Variants in NKAIN2 observed in about 807,000 individuals in gnomAD.
The protein encoded by NKAIN2 is sodium/potassium transporting ATPase interacting 2, also known as sodium/potassium-transporting ATPase subunit beta-1-interacting protein 2.
Under a neutral mutation model 32.6 loss-of-function variants are expected in NKAIN2, and 14 were observed. The ratio of observed to expected loss-of-function variants is 0.43; its 90% CI spans 0.28 to 0.67. NKAIN2 has a LOEUF of 0.67. Ranked by LOEUF, NKAIN2 falls within the 30% of genes least tolerant of loss-of-function variation. NKAIN2 has a pLI of 0.17. For synonymous variants in NKAIN2, 80 were observed against 87.2 expected, an observed-to-expected ratio of 0.92 and a Z score of 0.46; for missense variants, 198 against 258.3, an observed-to-expected ratio of 0.77 and a Z score of 1.60.
intron 1 of NKAIN2, among the ~76,000 whole-genome samples, chr6:124,225,752 A>G (rs936310113): frequency 1.3e-5 from 2 of 152,064 alleles, no homozygotes; most frequent in Non-Finnish European, 2.9e-5. Flanking sequence ...ACAAGTTTGT[A>G]GAGTTTCCTT....
At chr6:124,779,038 C>T (rs529345078) in intron 4 of NKAIN2, among the ~76,000 whole-genome samples, 1 of 152,044 alleles carries the variant, frequency 6.6e-6, no homozygotes, top group South Asian at 2.1e-4. Flanking sequence ...GAGCGCAAGA[C>T]CAGCCTGGCC....
At chr6:124,659,934 T>C (rs1368231232) in intron 4 of NKAIN2, among the ~76,000 whole-genome samples, 1 of 152,084 alleles carries the variant, frequency 6.6e-6, no homozygotes, top group African/African-American at 2.4e-5. Flanking sequence ...TGTTCAACCA[T>C]AGACACTCCT....
intron 1 of NKAIN2, among the ~76,000 whole-genome samples, chr6:123,904,991 T>G (rs1774793147): frequency 6.6e-6 from 1 of 152,206 alleles, no homozygotes; most frequent in African/African-American, 2.4e-5. Context: ...GGTGAATAAT[T>G]ACACACTGAA....
rs748598964 is a variant in NKAIN2 at position 124,686,618 on chromosome 6, T to A, written c.474+28232T>A. ...CCTCCAACATTGGGTATTACAATTT[T>A]ACATGATATTTGGGTAGGGATACAG... is the stretch of plus-strand genomic sequence containing the variant. On this transcript the variant is annotated intron_variant, in intron 4 of 6. Coordinates refer to ENST00000368417, the MANE Select transcript of NKAIN2 (RefSeq NM_001040214.3). 3.2e-4 allele frequency among the ~76,000 whole-genome samples: 49 copies of A among 152,144 alleles called. 1 individual carries two copies. Among genetic ancestry groups the A allele is most frequent in the Non-Finnish European group, 1.2e-4 (8 of 68,018 alleles).
intron 2 of NKAIN2, among the ~76,000 whole-genome samples, chr6:124,294,431 T>A (rs1795961388): frequency 6.6e-6 from 1 of 152,126 alleles, no homozygotes; most frequent in Non-Finnish European, 1.5e-5. Context: ...AACAATTATT[T>A]TTAAAGGTTT....
At chr6:124,384,056 T>C (rs535730631) in intron 3 of NKAIN2, among the ~76,000 whole-genome samples, 1 of 152,310 alleles carries the variant, frequency 6.6e-6, no homozygotes, top group African/African-American at 2.4e-5. Flanking sequence ...ACATTAATTA[T>C]CAGTATTAGC....
At chr6:124,463,187 T>C (rs1776602699) in intron 3 of NKAIN2, among the ~76,000 whole-genome samples, 2 of 152,022 alleles carry the variant, frequency 1.3e-5, no homozygotes, top group Non-Finnish European at 1.5e-5. Flanking sequence ...TTCCATTTAT[T>C]TACCCAACAA....
At chr6:124,327,664 A>T (rs753403138) in intron 2 of NKAIN2, among the ~76,000 whole-genome samples, 1 of 152,166 alleles carries the variant, frequency 6.6e-6, no homozygotes, top group Non-Finnish European at 1.5e-5. Context: ...AGCAGCATTT[A>T]GTACACATTG....
chr6:123,907,533 T>TTTAA (rs1219867424), intron 1 of NKAIN2, among the ~76,000 whole-genome samples: 3 of 152,122 alleles, frequency 2.0e-5, no homozygotes, highest in Admixed American at 1.3e-4. Context: ...GAACCCCAGT[T>TTTAA]TTCCATGTGT....
chr6:124,685,727 A>T (rs536794261), intron 4 of NKAIN2, among the ~76,000 whole-genome samples: 1 of 152,324 alleles, frequency 6.6e-6, no homozygotes, highest in East Asian at 1.9e-4. Flanking sequence ...AAACAAATCA[A>T]GACTCAGAAT....
intron 3 of NKAIN2, among the ~76,000 whole-genome samples, chr6:124,657,107 C>T (rs72975742): frequency 6.6e-6 from 1 of 152,312 alleles, no homozygotes; most frequent in Non-Finnish European, 1.5e-5. Context: ...TCAACTCAAC[C>T]TTTCCATATG....
At chr6:124,162,929 T>C (rs1788349134) in intron 1 of NKAIN2, among the ~76,000 whole-genome samples, 1 of 152,130 alleles carries the variant, frequency 6.6e-6, no homozygotes, top group South Asian at 2.1e-4. Flanking sequence ...CTTAATTTAG[T>C]GTAAATAAAT....
intron 1 of NKAIN2, among the ~76,000 whole-genome samples, chr6:124,152,417 T>A (rs1293116949): frequency 1.3e-5 from 2 of 151,854 alleles, no homozygotes; most frequent in Non-Finnish European, 2.9e-5. Flanking sequence ...TCTTTAAAGA[T>A]TGCCATGGGG....
Position 124,026,443 on chromosome 6 carries a change from C to T in NKAIN2, c.54+222189C>T, listed in dbSNP as rs376110695. ...ATGAATATTACCTTGTTCTTCAATG[C>T]TCCTTTCCTTTTATCATCAGTAAGC... On this transcript the variant is annotated intron_variant, in intron 1 of 6. Coordinates refer to ENST00000368417, the MANE Select transcript of NKAIN2 (RefSeq NM_001040214.3). Among the ~76,000 whole-genome samples, 51 of 152,238 alleles carry T rather than the reference C, an allele frequency of 3.4e-4. No individual in the cohort carries two copies. The East Asian group carries it at 6.0e-3, about 18-fold the overall frequency.
At chr6:124,439,371 A>G (rs1401255325) in intron 3 of NKAIN2, among the ~76,000 whole-genome samples, 1 of 144,256 alleles carries the variant, frequency 6.9e-6, no homozygotes, top group South Asian at 2.2e-4. Context: ...TTTTTTTTTT[A>G]TCTCCATGAA....
intron 4 of NKAIN2, among the ~76,000 whole-genome samples, chr6:124,716,670 G>A (rs780694284): frequency 6.6e-6 from 1 of 152,038 alleles, no homozygotes; most frequent in Non-Finnish European, 1.5e-5. Flanking sequence ...TCCAGTCTTA[G>A]GGCTTAGCAC....
intron 1 of NKAIN2, among the ~76,000 whole-genome samples, chr6:124,025,177 G>T (rs1004287417): frequency 2.0e-5 from 3 of 152,106 alleles, no homozygotes; most frequent in African/African-American, 7.2e-5. Context: ...ATTTGATAAG[G>T]TTATTGTACC....
rs148391674 is a variant in NKAIN2 at position 124,482,537 on chromosome 6, C to T, written c.273+127190C>T. 2.5e-3 allele frequency among the ~76,000 whole-genome samples: 383 copies of T among 152,226 alleles called. 2 individuals carry two copies. The highest frequency in any genetic ancestry group is 7.6e-3 in the African/African-American group (316 of 41,538). ...GAATTTCTTTGCTTTTGCTTTCTTACGGGCGAAATCCTTAAGAGAACATTC... is the reference window on the plus strand; with the variant it reads ...GAATTTCTTTGCTTTTGCTTTCTTATGGGCGAAATCCTTAAGAGAACATTC... On this transcript the variant is annotated intron_variant, in intron 3 of 6. Coordinates refer to ENST00000368417, the MANE Select transcript of NKAIN2 (RefSeq NM_001040214.3).
chr6:124,612,712 A>G (rs188781574), intron 3 of NKAIN2, among the ~76,000 whole-genome samples: 46 of 152,344 alleles, frequency 3.0e-4, no homozygotes, highest in African/African-American at 1.1e-3. Flanking sequence ...TTATGAATAT[A>G]TAGATTAAAA....
Sources: gnomAD v4.1 joint callset for allele counts (sites outside exome capture counted in the v4.1 genomes callset) on GRCh38, gnomAD v4.1.1 for gene constraint, MANE v1.5 for transcripts, NCBI Gene and HGNC (gene_info 2026-07-23, HGNC 2026-07-21) for gene names.